Variants in TBC1D32 observed in about 807,000 individuals in gnomAD.
TBC1D32 encodes protein broad-minded.
TBC1D32 carries 151 observed loss-of-function variants against 170.3 expected under a neutral mutation model. The observed-to-expected ratio is 0.89, with a 90% CI of 0.78 to 1.01. The LOEUF is 1.01. Among genes scored for constraint, TBC1D32 ranks in the 50% least tolerant of loss-of-function variants. The probability of loss-of-function intolerance (pLI) is 0.00; values close to 1 mark genes in which losing one functional copy is unlikely to be tolerated. For missense variants in TBC1D32, 1,464 were observed against 1,457.1 expected (o/e 1.00, Z -0.08); for synonymous variants, 498 against 488.0 (o/e 1.02, Z -0.27).
intron 24 of TBC1D32, among the ~76,000 whole-genome samples, chr6:121,132,109 C>A (rs942935207): frequency 6.6e-6 from 1 of 151,994 alleles, no homozygotes; most frequent in Non-Finnish European, 1.5e-5. Flanking sequence ...ACACTACACT[C>A]ATTCCTCATG....
intron 21 of TBC1D32, among the ~76,000 whole-genome samples, chr6:121,221,451 C>A (rs1794509369): frequency 6.6e-6 from 1 of 152,150 alleles, no homozygotes; most frequent in Non-Finnish European, 1.5e-5. Context: ...TTTTGTAAGG[C>A]TATAACTGCC....
chr6:121,186,871 C>T (rs148516091), intron 22 of TBC1D32, among the ~76,000 whole-genome samples: 59 of 152,064 alleles, frequency 3.9e-4, no homozygotes, highest in African/African-American at 1.3e-3. Flanking sequence ...AATGTTACTG[C>T]TATTGCTGTT....
At chr6:121,178,698 A>G (rs1423309386) in intron 22 of TBC1D32, among the ~76,000 whole-genome samples, 2 of 152,164 alleles carry the variant, frequency 1.3e-5, no homozygotes, top group Non-Finnish European at 2.9e-5. Flanking sequence ...AGGTGATACA[A>G]TGGATGTGAT....
chr6:121,096,369 T>C (rs1432677366), intron 30 of TBC1D32: 1 of 152,004 alleles, frequency 6.6e-6, no homozygotes, highest in South Asian at 2.1e-4. Flanking sequence ...AAAATCAACA[T>C]GCAAAAATCA....
intron 26 of TBC1D32, among the ~76,000 whole-genome samples, chr6:121,119,550 T>C (rs1300979466): frequency 2.0e-5 from 3 of 151,956 alleles, no homozygotes; most frequent in Non-Finnish European, 4.4e-5. Context: ...GAAATAAAAA[T>C]ACACATCACC....
At chr6:121,085,364 T>C (rs61560386) in intron 31 of TBC1D32, among the ~76,000 whole-genome samples, 34,445 of 135,378 alleles carry the variant, frequency 0.25, 6,568 homozygotes, top group African/African-American at 0.57. Flanking sequence ...TATATACATA[T>C]ATATATGTGT....
chr6:121,256,758 C>T (rs914015630), intron 15 of TBC1D32, among the ~76,000 whole-genome samples: 5 of 151,894 alleles, frequency 3.3e-5, no homozygotes, highest in African/African-American at 1.2e-4. Flanking sequence ...CTCACTCTGC[C>T]TGCTGGGTTC....
intron 25 of TBC1D32, chr6:121,129,925 C>T (rs1424273087): frequency 2.2e-6 from 1 of 444,682 alleles, no homozygotes; most frequent in Non-Finnish European, 4.5e-6. Flanking sequence ...ATTGGGAGCA[C>T]TAAAATTTAA....
At chr6:121,257,683 T>C (rs947674703) in intron 15 of TBC1D32, among the ~76,000 whole-genome samples, 1 of 152,204 alleles carries the variant, frequency 6.6e-6, no homozygotes, top group Non-Finnish European at 1.5e-5. Flanking sequence ...AAAGTGTATT[T>C]TTTGTTTGTT....
chr6:121,237,411 TAA>T (rs1796458945), intron 20 of TBC1D32, among the ~76,000 whole-genome samples: 1 of 151,980 alleles, frequency 6.6e-6, no homozygotes, highest in Non-Finnish European at 1.5e-5. Context: ...TGAAATTTAC[TAA>T]GTTTTTCATC....
At chr6:121,184,469 G>A (rs931673027) in intron 22 of TBC1D32, among the ~76,000 whole-genome samples, 2 of 151,610 alleles carry the variant, frequency 1.3e-5, no homozygotes, top group African/African-American at 2.4e-5. Context: ...CATAATGCAC[G>A]ATTTTAGCCT....
rs1803401364 is a variant in TBC1D32 at position 121,283,872 on chromosome 6, G to A, written c.1411C>T (p.Gln471Ter). 9 of 1,611,102 alleles carry A rather than the reference G, an allele frequency of 5.6e-6. No individual in the cohort carries two copies. The highest frequency in any genetic ancestry group is 6.8e-6 in the Non-Finnish European group (8 of 1,178,302). ...SLIDLLVLFT[Q>*]LIYYSPSCPK... ...CAACTTGGTGAGTAATAGATAAGTT[G>A]GGTAAAAAGAACAAGCAGATCTATG... Residue 471 changes from glutamine to a stop codon, truncating the protein, a stop_gained, in exon 13 of 32, where the codon CAA (glutamine) becomes TAA (stop). Transcript: ENST00000398212. LOFTEE classifies it high-confidence loss of function.
At chr6:121,258,080 AG>A (rs1334088146) in intron 15 of TBC1D32, among the ~76,000 whole-genome samples, 1 of 136,378 alleles carries the variant, frequency 7.3e-6, no homozygotes, top group African/African-American at 2.7e-5. Context: ...ATGAAGATTT[AG>A]GTTTCTTATT....
intron 26 of TBC1D32, among the ~76,000 whole-genome samples, chr6:121,116,507 T>C (rs1206633015): frequency 2.0e-5 from 3 of 152,218 alleles, no homozygotes; most frequent in South Asian, 2.1e-4. Context: ...CCTTAACATA[T>C]AGATCTGTGT....
intron 15 of TBC1D32, among the ~76,000 whole-genome samples, chr6:121,272,434 A>C (rs943774751): frequency 6.6e-6 from 1 of 152,206 alleles, no homozygotes; most frequent in Admixed American, 6.5e-5. Flanking sequence ...CAACCCCATC[A>C]AAAAGAGGGC....
Position 121,228,383 on chromosome 6 carries a change from T to C in TBC1D32, c.2365-5031A>G, listed in dbSNP as rs747777617. On this transcript the variant is annotated intron_variant, in intron 20 of 31. Transcript: ENST00000398212. ...AGTCAGTAATTTTAGATCCTTCTTA[T>C]TTTCTAATACAAATATTAAAGTTAA... 2.0e-5 allele frequency among the ~76,000 whole-genome samples: 3 copies of C among 152,198 alleles called. No homozygotes were observed. In the East Asian group the frequency reaches 5.8e-4, roughly 29 times the overall value.
At chr6:121,185,036 T>C (rs1194933714) in intron 22 of TBC1D32, among the ~76,000 whole-genome samples, 1 of 150,316 alleles carries the variant, frequency 6.7e-6, no homozygotes, top group Non-Finnish European at 1.5e-5. Context: ...AATCTTCTCA[T>C]ACTATTCTGT....
At chr6:121,181,855 G>C (rs1583106555) in intron 22 of TBC1D32, among the ~76,000 whole-genome samples, 2 of 152,222 alleles carry the variant, frequency 1.3e-5, no homozygotes, top group African/African-American at 4.8e-5. Flanking sequence ...ATTATGTTAA[G>C]TGAAATAAAC....
At chr6:121,220,206 G>T (rs1411243687) in intron 21 of TBC1D32, among the ~76,000 whole-genome samples, 1 of 152,174 alleles carries the variant, frequency 6.6e-6, no homozygotes, top group Non-Finnish European at 1.5e-5. Context: ...ACTGAGACAG[G>T]CCAAAAGCTG....
Sources: gnomAD v4.1 joint callset for allele counts (sites outside exome capture counted in the v4.1 genomes callset) on GRCh38, gnomAD v4.1.1 for gene constraint, MANE v1.5 for transcripts, NCBI Gene and HGNC (gene_info 2026-07-23, HGNC 2026-07-21) for gene names.